The following AGBL1 variants were observed in gnomAD, a reference collection of about 807,000 sequenced individuals.
AGBL1 encodes the protein AGBL carboxypeptidase 1, also known as cytosolic carboxypeptidase 4.
In AGBL1, 130 loss-of-function variants were observed where a neutral mutation model predicts 118.9. The observed-to-expected ratio is 1.09, with a 90% CI of 0.95 to 1.26. The LOEUF (loss-of-function observed/expected upper bound fraction) is 1.26, where lower values mean the gene tolerates loss of function less well. AGBL1 is among the 50% of genes most tolerant of loss of function. The probability of loss-of-function intolerance (pLI) is 0.00; values close to 1 mark genes in which losing one functional copy is unlikely to be tolerated. For synonymous variants in AGBL1, 555 were observed against 478.9 expected (o/e 1.16, Z -2.08); for missense variants, 1,584 against 1,298.1 (o/e 1.22, Z -3.38).
At chr15:86,397,621 G>C in intron 18 of AGBL1, 75 bp downstream of exon 18, 1 of 1,401,348 alleles carries the variant, frequency 7.1e-7, no homozygotes, top group South Asian at 1.4e-5. Context: ...CCAAGTAGGC[G>C]TGATTGGAGA....
chr15:86,759,222 A>G (rs1407781872), intron 22 of AGBL1, among the ~76,000 whole-genome samples: 2 of 152,116 alleles, frequency 1.3e-5, no homozygotes, highest in Non-Finnish European at 2.9e-5. Flanking sequence ...ACAGTTGGCC[A>G]GTAGAAAGTA....
At chr15:86,812,275 CTG>C (rs1349451786) in intron 22 of AGBL1, among the ~76,000 whole-genome samples, 1 of 152,148 alleles carries the variant, frequency 6.6e-6, no homozygotes, top group Non-Finnish European at 1.5e-5. Context: ...AAACATTATA[CTG>C]TCTCCCTAAT....
intron 22 of AGBL1, among the ~76,000 whole-genome samples, chr15:86,840,571 G>A (rs765470697): frequency 1.3e-5 from 2 of 152,020 alleles, no homozygotes; most frequent in African/African-American, 2.4e-5. Flanking sequence ...CTCACCTCCC[G>A]AGTAGCTGGG....
chr15:86,436,202 G>A (rs1348748245), intron 18 of AGBL1, among the ~76,000 whole-genome samples: 1 of 149,420 alleles, frequency 6.7e-6, no homozygotes, highest in African/African-American at 2.5e-5. Flanking sequence ...GAGAAGGTGT[G>A]TAGGGAGATC....
intron 22 of AGBL1, among the ~76,000 whole-genome samples, chr15:86,780,359 G>C (rs1240879205): frequency 6.6e-6 from 1 of 152,134 alleles, no homozygotes; most frequent in African/African-American, 2.4e-5. Context: ...ATCACACTGT[G>C]TTCATTAATA....
At position 86,832,037 on chromosome 15, in the gene AGBL1, C is replaced by A. The variant is rs573754423; in HGVS notation, c.3159-75050C>A. Reference sequence around the variant, plus strand: ...AAGCTGCCAAGGCTTGGGGCTTGCACCCTCTGAAGCAACGGCCTGAGCTCT... The same window carrying A: ...AAGCTGCCAAGGCTTGGGGCTTGCAACCTCTGAAGCAACGGCCTGAGCTCT... On this transcript the variant is annotated intron_variant, in intron 22 of 22. Coordinates refer to ENST00000614907, the MANE Select transcript of AGBL1 (RefSeq NM_001386094.1). 3.3e-5 allele frequency among the ~76,000 whole-genome samples: 5 copies of A among 152,344 alleles called. No homozygotes were observed. The East Asian group carries it at 5.8e-4, about 18-fold the overall frequency.
At chr15:86,237,628 G>T (rs1195190765) in intron 6 of AGBL1, among the ~76,000 whole-genome samples, 1 of 152,138 alleles carries the variant, frequency 6.6e-6, no homozygotes, top group Non-Finnish European at 1.5e-5. Context: ...GGTTTAGCAA[G>T]TACTTCCTTC....
intron 18 of AGBL1, among the ~76,000 whole-genome samples, chr15:86,469,173 A>G (rs950309473): frequency 6.6e-6 from 1 of 152,188 alleles, no homozygotes; most frequent in Admixed American, 6.5e-5. Flanking sequence ...CAAGTTCTCC[A>G]GAACTTACTC....
chr15:86,796,587 C>A (rs1448520029), intron 22 of AGBL1, among the ~76,000 whole-genome samples: 1 of 152,160 alleles, frequency 6.6e-6, no homozygotes, highest in African/African-American at 2.4e-5. Flanking sequence ...TTGCTCATAC[C>A]AGTTAGAAGC....
At chr15:86,462,640 T>C (rs1009241393) in intron 18 of AGBL1, among the ~76,000 whole-genome samples, 6 of 152,134 alleles carry the variant, frequency 3.9e-5, no homozygotes, top group South Asian at 2.1e-4. Flanking sequence ...TGTGCCCATA[T>C]GTTCTCACTG....
At chr15:86,302,742 G>A (rs78794527) in intron 17 of AGBL1, among the ~76,000 whole-genome samples, 23,776 of 142,312 alleles carry the variant, frequency 0.17, 2,058 homozygotes, top group Admixed American at 0.22. Flanking sequence ...TTACACCACT[G>A]CACTCCAGCC....
At chr15:86,145,795 C>G (rs2077025671) in intron 3 of AGBL1, among the ~76,000 whole-genome samples, 1 of 152,270 alleles carries the variant, frequency 6.6e-6, no homozygotes, top group East Asian at 1.9e-4. Context: ...AGTTAAGGAC[C>G]TGCTCTCATG....
intron 17 of AGBL1, among the ~76,000 whole-genome samples, chr15:86,377,550 A>AT (rs1001790197): frequency 8.5e-5 from 13 of 152,130 alleles, no homozygotes; most frequent in African/African-American, 2.9e-4. Flanking sequence ...CCAAGTCTCC[A>AT]TTTTTATTAT....
chr15:86,592,876 G>A (rs1165426196), intron 21 of AGBL1, among the ~76,000 whole-genome samples: 1 of 152,050 alleles, frequency 6.6e-6, no homozygotes, highest in African/African-American at 2.4e-5. Context: ...ACATTCCTGG[G>A]GTGCGGGACC....
chr15:86,253,885 T>C (rs1363338509), intron 7 of AGBL1, among the ~76,000 whole-genome samples: 2 of 152,190 alleles, frequency 1.3e-5, no homozygotes, highest in Non-Finnish European at 2.9e-5. Flanking sequence ...TGAAACTCTA[T>C]ACCCATTAAA....
At chr15:86,608,623 G>T (rs560271385) in intron 21 of AGBL1, among the ~76,000 whole-genome samples, 1 of 152,174 alleles carries the variant, frequency 6.6e-6, no homozygotes, top group East Asian at 1.9e-4. Context: ...ATGCTGAGCT[G>T]CAGGATTCAC....
At chr15:86,775,837 A>G (rs1355226229) in intron 22 of AGBL1, among the ~76,000 whole-genome samples, 2 of 152,184 alleles carry the variant, frequency 1.3e-5, no homozygotes, top group African/African-American at 4.8e-5. Context: ...GTACTCAGCA[A>G]TCACCAATCT....
At chr15:86,345,362 G>A (rs943248379) in intron 17 of AGBL1, among the ~76,000 whole-genome samples, 7 of 152,246 alleles carry the variant, frequency 4.6e-5, no homozygotes, top group African/African-American at 9.6e-5. Context: ...GTGCATCAGC[G>A]AGCAACATTA....
chr15:86,310,259 G>T (rs950405962), intron 17 of AGBL1, among the ~76,000 whole-genome samples: 20 of 152,098 alleles, frequency 1.3e-4, no homozygotes, highest in Non-Finnish European at 2.4e-4. Context: ...TATTTCTGTG[G>T]TATCAGTTGT....
Sources: allele counts gnomAD v4.1 joint callset (sites outside exome capture counted in the v4.1 genomes callset), GRCh38; gene constraint gnomAD v4.1.1; transcripts MANE v1.5; gene names NCBI Gene and HGNC (gene_info 2026-07-23, HGNC 2026-07-21).